Variants in OTOA observed in about 807,000 individuals in gnomAD.
The protein encoded by OTOA is cancer/testis antigen 108.
In OTOA, 70 loss-of-function variants were observed where a neutral mutation model predicts 110.8. The observed-to-expected ratio is 0.63, with a 90% confidence interval of 0.52 to 0.77. OTOA has a LOEUF of 0.77. OTOA is among the 30% of genes least tolerant of loss of function. The pLI is 0.00. For synonymous variants in OTOA, 373 were observed against 431.5 expected (o/e 0.86, Z 1.68); for missense variants, 917 against 1,075.8 (o/e 0.85, Z 2.06).
In OTOA at chr16:21,722,987, A is replaced by G. The variant is rs571663061; in HGVS notation, c.1880+9A>G. 8.1e-6 allele frequency: 13 copies of G among 1,613,786 alleles called. No individual in the cohort carries two copies. Among genetic ancestry groups the G allele is most frequent in the South Asian group, 7.7e-5 (7 of 91,082 alleles). On this transcript the variant is annotated intron_variant, in intron 18 of 28. Transcript: ENST00000646100. ...CTCTTGGCTGCACTCCCGTAAGTGA[A>G]CATCAGCCCCCACCTTCTGGCTCAT...
chr16:21,679,061 T>C lies in OTOA; in HGVS notation c.146T>C (p.Leu49Pro), dbSNP rs1966869980. The change falls in exon 4 of 29, where the codon CTG becomes CCG. Residue 49 changes from leucine to proline, a missense_variant. By Grantham distance (98) the Leu-to-Pro change is moderately conservative (BLOSUM62 -3). Around this residue, in one of 6 missense-constraint regions of OTOA, gnomAD observed 840 missense variants for 910.2 expected, o/e 0.92. Coordinates refer to ENST00000646100, the MANE Select transcript of OTOA (RefSeq NM_144672.4). ...GAAGAAATAATAGATGGAAGCTATC[T>C]GAATGGTAATGTGCCCCCTTGATCT... ...MAEEIIDGSY[L>P]NALLDLIQFQ... 17 of 1,613,932 alleles carry C rather than the reference T, an allele frequency of 1.1e-5. No homozygotes were observed. The highest frequency in any genetic ancestry group is 1.4e-5 in the Non-Finnish European group (16 of 1,179,970).
At chr16:21,691,523 C>T (rs1897828595) in intron 8 of OTOA, 61 bp from the exon 9 acceptor site, 6 of 1,409,186 alleles carry the variant, frequency 4.3e-6, no homozygotes, top group Non-Finnish European at 3.0e-6. Flanking sequence ...GTTGTGACTC[C>T]CTTTTTAATG....
intron 10 of OTOA, among the ~76,000 whole-genome samples, chr16:21,699,704 A>C (rs1898013047): frequency 6.6e-6 from 1 of 152,110 alleles, no homozygotes; most frequent in Non-Finnish European, 1.5e-5. Flanking sequence ...GGATCATGTG[A>C]GGTCAGGTGT....
intron 12 of OTOA, among the ~76,000 whole-genome samples, chr16:21,708,487 C>CT (rs1269046250): frequency 2.0e-5 from 3 of 152,132 alleles, no homozygotes; most frequent in Non-Finnish European, 4.4e-5. Context: ...CACCCAGTCT[C>CT]TGATTCAGGA....
intron 14 of OTOA, among the ~76,000 whole-genome samples, chr16:21,716,317 A>T (rs1035747681): frequency 2.0e-5 from 3 of 150,874 alleles, no homozygotes; most frequent in Non-Finnish European, 4.4e-5. Flanking sequence ...CACGCCTGTA[A>T]TCGCAGCACT....
intron 13 of OTOA, 109 bp from the exon 14 acceptor site, chr16:21,714,876 C>A: frequency 7.0e-7 from 1 of 1,418,968 alleles, no homozygotes. Context: ...CACTGCTGTG[C>A]CCCTAAGGTG....
chr16:21,692,487 A>T (rs1897850454), intron 9 of OTOA, among the ~76,000 whole-genome samples: 1 of 152,200 alleles, frequency 6.6e-6, no homozygotes, highest in African/African-American at 2.4e-5. Flanking sequence ...GTCCTAGAGC[A>T]GTCAAATTCA....
At position 21,704,446 on chromosome 16, in the gene OTOA, G is replaced by A. The variant is rs146112062; in HGVS notation, c.981-723G>A. 2.0e-3 allele frequency among the ~76,000 whole-genome samples: 303 copies of A among 152,250 alleles called. 2 individuals carry two copies. The highest frequency in any genetic ancestry group is 7.1e-3 in the African/African-American group (296 of 41,546). On this transcript the variant is annotated intron_variant, in intron 11 of 28. Coordinates refer to ENST00000646100, the MANE Select transcript of OTOA (RefSeq NM_144672.4). ...AGTCCCAGCTCCACCGACTTGCCTT[G>A]GACAAATCAAATCTCAGTTTCCCCA...
In OTOA at chr16:21,726,559, T is replaced by C. The variant is rs776885658; in HGVS notation, c.1917T>C (p.Cys639=). 2 of 1,614,056 alleles carry C rather than the reference T, an allele frequency of 1.2e-6. No homozygotes were observed. The highest frequency in any genetic ancestry group is 1.7e-4 in the Middle Eastern group (1 of 6,010). The change falls in exon 19 of 29, where the codon TGT becomes TGC. Residue 639 remains cysteine, a synonymous_variant. Coordinates refer to ENST00000646100, the MANE Select transcript of OTOA (RefSeq NM_144672.4). ...TGGCTTCTGTCCCAGCCTCCCAGTG[T>C]GTGCCCTTTCTGATCAGCCTGGGGA... ...RYLASVPASQ[C]VPFLISLGKS... is the part of the protein sequence containing the mutation.
At chr16:21,674,896 C>CTT (rs60269668) in intron 1 of OTOA, among the ~76,000 whole-genome samples, 2,270 of 29,784 alleles carry the variant, frequency 0.076, 586 homozygotes, top group African/African-American at 0.17. Context: ...TTTTAAAAAT[C>CTT]TTTTTTTTTT....
At chr16:21,707,649 CTTTCTT>C (rs1481229859) in intron 12 of OTOA, among the ~76,000 whole-genome samples, 36 of 110,420 alleles carry the variant, frequency 3.3e-4, no homozygotes, top group Middle Eastern at 5.0e-3. Context: ...TTCTTTCTTT[CTTTCTT>C]TCTCTTTCTT....
chr16:21,705,319 G>T (rs752675991), intron 12 of OTOA, 27 bp downstream of exon 12: 2 of 1,613,132 alleles, frequency 1.2e-6, no homozygotes, highest in Admixed American at 1.7e-5. Flanking sequence ...AGGCCCTGAG[G>T]CCTCTGCCTC....
chr16:21,686,295 T>G (rs1897710240), intron 7 of OTOA, among the ~76,000 whole-genome samples: 1 of 151,492 alleles, frequency 6.6e-6, no homozygotes, highest in Non-Finnish European at 1.5e-5. Context: ...GAGGCTTTTT[T>G]TTTTTTTCTT....
At chr16:21,694,188 C>A (rs1897887433) in intron 9 of OTOA, among the ~76,000 whole-genome samples, 1 of 152,106 alleles carries the variant, frequency 6.6e-6, no homozygotes, top group Non-Finnish European at 1.5e-5. Context: ...TGCTTGTAAT[C>A]CCAGCACTTT....
At chr16:21,668,048 A>G (rs567822942) in intron 1 of OTOA, among the ~76,000 whole-genome samples, 11 of 152,282 alleles carry the variant, frequency 7.2e-5, no homozygotes, top group African/African-American at 2.6e-4. Context: ...AACTATTAAC[A>G]ATAATTCTTT....
intron 12 of OTOA, among the ~76,000 whole-genome samples, chr16:21,707,736 CTT>C (rs1236468856): frequency 6.1e-5 from 8 of 130,814 alleles, no homozygotes; most frequent in East Asian, 2.3e-4. Flanking sequence ...CACTCTCTCT[CTT>C]TCTTTCTTTC....
rs372005416 is a variant in OTOA at position 21,727,918 on chromosome 16, A to G, written c.2017-323A>G. Reference sequence around the variant, plus strand: ...CCTCTGTCACCCAGGCTGGAGTGCAATGGCATGATCATCTAGGCTCACTGC... The same window carrying G: ...CCTCTGTCACCCAGGCTGGAGTGCAGTGGCATGATCATCTAGGCTCACTGC... On this transcript the variant is annotated intron_variant, in intron 19 of 28. Coordinates refer to ENST00000646100, the MANE Select transcript of OTOA (RefSeq NM_144672.4). 3.2e-3 allele frequency among the ~76,000 whole-genome samples: 488 copies of G among 150,858 alleles called. 4 individuals are homozygous for G. Among genetic ancestry groups the G allele is most frequent in the Middle Eastern group, 0.021 (6 of 292 alleles).
Position 21,736,652 on chromosome 16 carries a change from G to A in OTOA, c.2431+262G>A, listed in dbSNP as rs1245042937. On this transcript the variant is annotated intron_variant, in intron 22 of 28. Transcript: ENST00000646100. ...TCGAGACCAGCCTGGCCAACATGGCGAAACCCTGTCTCTACTAGAAACACA... is the reference window on the plus strand; with the variant it reads ...TCGAGACCAGCCTGGCCAACATGGCAAAACCCTGTCTCTACTAGAAACACA... Among the ~76,000 whole-genome samples the A allele has an allele frequency of 7.2e-5, 11 of 152,266 alleles. No homozygotes were observed. The East Asian group carries it at 9.6e-4, about 13-fold the overall frequency.
intron 20 of OTOA, among the ~76,000 whole-genome samples, chr16:21,728,875 C>T (rs184426748): frequency 6.2e-4 from 95 of 152,210 alleles, no homozygotes; most frequent in Admixed American, 4.1e-3. Context: ...GCGTGAGTCA[C>T]CGCGCCTGGC....
Sources: gnomAD v4.1 joint callset for allele counts (sites outside exome capture counted in the v4.1 genomes callset) on GRCh38, gnomAD v4.1.1 for gene constraint, gnomAD v4.1.1 regional missense constraint, MANE v1.5 for transcripts, NCBI Gene and HGNC (gene_info 2026-07-23, HGNC 2026-07-21) for gene names.